The following FNDC3B variants were observed in gnomAD, a reference collection of about 807,000 sequenced individuals.
FNDC3B encodes fibronectin type III domain-containing protein 3B.
In FNDC3B, 12 loss-of-function variants were observed where a neutral mutation model predicts 151.5. The observed-to-expected ratio is 0.08, with a 90% CI of 0.05 to 0.13. The LOEUF (loss-of-function observed/expected upper bound fraction) is 0.13, where lower values mean the gene tolerates loss of function less well. Among genes scored for constraint, FNDC3B ranks in the 10% least tolerant of loss-of-function variants. The probability of loss-of-function intolerance (pLI) is 1.00; values close to 1 mark genes in which losing one functional copy is unlikely to be tolerated. For synonymous variants in FNDC3B, 528 were observed against 549.0 expected, an observed-to-expected ratio of 0.96 and a Z score of 0.54; for missense variants, 1,214 against 1,505.3, an observed-to-expected ratio of 0.81 and a Z score of 3.20.
intron 23 of FNDC3B, among the ~76,000 whole-genome samples, chr3:172,366,680 A>G (rs1340236477): frequency 6.6e-6 from 1 of 152,198 alleles, no homozygotes; most frequent in Non-Finnish European, 1.5e-5. Flanking sequence ...AGGCCTAAAG[A>G]TTGACACATG....
At chr3:172,041,411 CTCCTTCCTTCCT>C (rs10530673) in intron 1 of FNDC3B, among the ~76,000 whole-genome samples, 46,079 of 138,584 alleles carry the variant, frequency 0.33, 7,961 homozygotes, top group Admixed American at 0.38. Context: ...CTCCTTCTCT[CTCCTTCCTTCCT>C]TCCTTCCTTC....
In FNDC3B at chr3:172,089,530, C is replaced by G. The variant is rs1040279299; in HGVS notation, c.-28-22922C>G. Among the ~76,000 whole-genome samples, 8 of 152,020 alleles carry G rather than the reference C, an allele frequency of 5.3e-5. No individual in the cohort carries two copies. The East Asian group carries it at 1.3e-3, about 26-fold the overall frequency. On this transcript the variant is annotated intron_variant, in intron 1 of 25. Coordinates refer to ENST00000415807, the MANE Select transcript of FNDC3B (RefSeq NM_022763.4). Reference sequence around the variant, plus strand: ...GGCACAACACATACCATGCACAAATCGAATGTAGGGTGTATTAAGCCCTCA... The same window carrying G: ...GGCACAACACATACCATGCACAAATGGAATGTAGGGTGTATTAAGCCCTCA...
chr3:172,311,050 A>G (rs1731451490), intron 11 of FNDC3B, 169 bp downstream of exon 11: 1 of 597,778 alleles, frequency 1.7e-6, no homozygotes, highest in Non-Finnish European at 3.0e-6. Context: ...AGTTAGATTG[A>G]AGTAGTATTA....
At chr3:172,051,718 C>T (rs1285005730) in intron 1 of FNDC3B, among the ~76,000 whole-genome samples, 1 of 152,078 alleles carries the variant, frequency 6.6e-6, no homozygotes, top group East Asian at 1.9e-4. Flanking sequence ...TGGTGTTCTT[C>T]AGTTTTTTCC....
intron 7 of FNDC3B, among the ~76,000 whole-genome samples, chr3:172,286,796 G>A (rs1730043576): frequency 6.6e-6 from 1 of 152,138 alleles, no homozygotes. Context: ...GGGTTTTTGA[G>A]CAAAGAAGTT....
intron 15 of FNDC3B, among the ~76,000 whole-genome samples, chr3:172,336,906 C>T (rs1406040531): frequency 5.4e-5 from 6 of 112,130 alleles, no homozygotes; most frequent in Non-Finnish European, 9.0e-5. Flanking sequence ...CCATCTCAGA[C>T]GGAAAAAAAA....
intron 1 of FNDC3B, among the ~76,000 whole-genome samples, chr3:172,112,050 A>G (rs1047513080): frequency 3.3e-5 from 5 of 152,254 alleles, no homozygotes; most frequent in Non-Finnish European, 7.3e-5. Flanking sequence ...ATTGTATTGC[A>G]AAGCTAAATG....
chr3:172,230,570 A>G (rs913256650), intron 4 of FNDC3B, among the ~76,000 whole-genome samples: 15 of 152,160 alleles, frequency 9.9e-5, no homozygotes, highest in African/African-American at 3.6e-4. Flanking sequence ...GAAAATATGT[A>G]CAAACAATAT....
chr3:172,268,446 A>G (rs1220477947), intron 6 of FNDC3B, among the ~76,000 whole-genome samples: 1 of 152,196 alleles, frequency 6.6e-6, no homozygotes, highest in African/African-American at 2.4e-5. Flanking sequence ...GAAGTGGGGG[A>G]AAAAGTGTTT....
At chr3:172,134,792 T>G (rs189515716) in intron 3 of FNDC3B, among the ~76,000 whole-genome samples, 14 of 152,300 alleles carry the variant, frequency 9.2e-5, no homozygotes, top group Non-Finnish European at 1.5e-5. Flanking sequence ...TCCCAGAAAT[T>G]GATCTTTGGA....
chr3:172,069,198 C>A (rs1717649003), intron 1 of FNDC3B, among the ~76,000 whole-genome samples: 1 of 152,184 alleles, frequency 6.6e-6, no homozygotes. Context: ...GTCAATTTAG[C>A]AGGTCACTCT....
intron 9 of FNDC3B, among the ~76,000 whole-genome samples, chr3:172,304,912 A>AG (rs1731118804): frequency 6.6e-6 from 1 of 152,058 alleles, no homozygotes; most frequent in Admixed American, 6.5e-5. Context: ...AAAAAAAAAA[A>AG]AGCCAAGTGT....
At chr3:172,043,201 G>A (rs1160662763) in intron 1 of FNDC3B, among the ~76,000 whole-genome samples, 1 of 152,238 alleles carries the variant, frequency 6.6e-6, no homozygotes, top group African/African-American at 2.4e-5. Flanking sequence ...ACAGGCGTGA[G>A]CCACCACACC....
chr3:172,276,969 A>T (rs1729462758), intron 6 of FNDC3B, among the ~76,000 whole-genome samples: 1 of 152,236 alleles, frequency 6.6e-6, no homozygotes, highest in African/African-American at 2.4e-5. Context: ...ACAAAATTTA[A>T]CATGGATTTT....
intron 18 of FNDC3B, among the ~76,000 whole-genome samples, chr3:172,343,456 T>C (rs1228694689): frequency 6.6e-6 from 1 of 152,224 alleles, no homozygotes; most frequent in Non-Finnish European, 1.5e-5. Context: ...AAAAAAATTT[T>C]GTGCTCCATT....
intron 9 of FNDC3B, chr3:172,301,745 C>G (rs950649648): frequency 1.3e-5 from 2 of 152,168 alleles, no homozygotes; most frequent in African/African-American, 4.8e-5. Flanking sequence ...GTGGTCCCAG[C>G]TACTGAGGAG....
chr3:172,207,770 A>G (rs1026783298), intron 3 of FNDC3B, among the ~76,000 whole-genome samples: 1 of 152,206 alleles, frequency 6.6e-6, no homozygotes, highest in Non-Finnish European at 1.5e-5. Flanking sequence ...CAACATGGTG[A>G]AACCCTGTCT....
chr3:172,113,681 T>C (rs1268748671), intron 2 of FNDC3B, among the ~76,000 whole-genome samples: 1 of 152,208 alleles, frequency 6.6e-6, no homozygotes, highest in Non-Finnish European at 1.5e-5. Flanking sequence ...CAGTAGTATC[T>C]TTTATCTTAA....
chr3:172,057,088 C>T (rs1442430449), intron 1 of FNDC3B, among the ~76,000 whole-genome samples: 1 of 152,184 alleles, frequency 6.6e-6, no homozygotes, highest in Admixed American at 6.5e-5. Flanking sequence ...TATATGACAG[C>T]TCTGCTTCCT....
Sources: gnomAD v4.1 joint callset for allele counts (sites outside exome capture counted in the v4.1 genomes callset) on GRCh38, gnomAD v4.1.1 for gene constraint, MANE v1.5 for transcripts, NCBI Gene and HGNC (gene_info 2026-07-23, HGNC 2026-07-21) for gene names.